BIRC6: variants seen among roughly 807,000 people sequenced by gnomAD.
BIRC6 encodes the protein dual E2 ubiquitin-conjugating enzyme/E3 ubiquitin-protein ligase BIRC6.
BIRC6 carries 98 observed loss-of-function variants against 503.3 expected under a neutral mutation model. That is an observed-to-expected ratio of 0.19 (90% CI 0.17 to 0.23). The LOEUF is 0.23. BIRC6 is among the 10% of genes least tolerant of loss of function. The pLI, the probability that BIRC6 is intolerant of heterozygous loss-of-function variation, is 1.00. For synonymous variants in BIRC6, 2,240 were observed against 2,078.7 expected (o/e 1.08, Z -2.11); for missense variants, 5,360 against 5,806.0 (o/e 0.92, Z 2.50).
chr2:32,403,029 C>T (rs1045574392), intron 8 of BIRC6, among the ~76,000 whole-genome samples: 1 of 152,140 alleles, frequency 6.6e-6, no homozygotes, highest in African/African-American at 2.4e-5. Context: ...TCTCTACTTG[C>T]TTTTAAGAAA....
rs754402760 is a variant in BIRC6 at position 32,414,727 on chromosome 2, A to G, written c.1478-42A>G. 4 of 1,461,768 alleles carry G rather than the reference A, an allele frequency of 2.7e-6. No individual in the cohort carries two copies. The African/African-American group carries it at 4.2e-5, about 16-fold the overall frequency. The allele number at this position is 1,461,768 out of a possible 1,614,324, so 90.5% of individuals were successfully genotyped here. ...TGTGTATTCATAATGTGCTGACTGG[A>G]TGAGTAGAAACATATCTAATGAATA... On this transcript the variant is annotated intron_variant, in intron 9 of 73. Coordinates refer to ENST00000421745, the MANE Select transcript of BIRC6 (RefSeq NM_016252.4).
At chr2:32,543,621 T>G (rs887101062) in intron 62 of BIRC6, 80 bp downstream of exon 62, 142 of 1,349,998 alleles carry the variant, frequency 1.1e-4, no homozygotes, top group Middle Eastern at 2.2e-4. Context: ...CTATTATTCA[T>G]CATTTATTTC....
intron 10 of BIRC6, among the ~76,000 whole-genome samples, chr2:32,425,166 G>A (rs2043348549): frequency 6.6e-6 from 1 of 150,792 alleles, no homozygotes; most frequent in Non-Finnish European, 1.5e-5. Flanking sequence ...TAATAGATAT[G>A]ATTTGCAAAT....
chr2:32,553,480 C>T (rs1246511490), intron 65 of BIRC6, among the ~76,000 whole-genome samples: 2 of 151,854 alleles, frequency 1.3e-5, no homozygotes, highest in Admixed American at 6.6e-5. Flanking sequence ...CTCCGCCTCT[C>T]GGGTTCAAGC....
In BIRC6 at chr2:32,470,265, C is replaced by T. The variant is rs1394783536; in HGVS notation, c.6445C>T (p.Leu2149Phe). 6.3e-7 allele frequency: 1 copy of T among 1,574,844 alleles called. No individual in the cohort carries two copies. Residue 2149 changes from leucine to phenylalanine, a missense_variant, in exon 31 of 74, where the codon CTT becomes TTT. By Grantham distance (22) the Leu-to-Phe change is conservative (BLOSUM62 0). Around this residue, in one of 16 missense-constraint regions of BIRC6, gnomAD observed 2,299 missense variants for 2,267.2 expected, o/e 1.01. Transcript: ENST00000421745. ...TCTCTTGGATAATTTATTGTCACCTCTTCAGCCACAGTTACCCATGCATAG... is the reference window on the plus strand; with the variant it reads ...TCTCTTGGATAATTTATTGTCACCTTTTCAGCCACAGTTACCCATGCATAG... ...LNLLDNLLSP[L>F]QPQLPMHRRT... is the part of the protein sequence containing the mutation.
chr2:32,449,744 C>G (rs377300974), intron 22 of BIRC6, among the ~76,000 whole-genome samples: 99 of 152,246 alleles, frequency 6.5e-4, no homozygotes, highest in African/African-American at 2.3e-3. Context: ...CAACCCCAAC[C>G]TTTCCACCCT....
In BIRC6 at chr2:32,412,033, C is replaced by G. The variant is rs113884615; in HGVS notation, c.1478-2736C>G. ...CTCCTAATCTAAAAGGATCCTTCCA[C>G]CTCAGCCTCCCAAATAGCTGGGATT... is the stretch of plus-strand genomic sequence containing the variant. On this transcript the variant is annotated intron_variant, in intron 9 of 73. Transcript: ENST00000421745. Among the ~76,000 whole-genome samples, 1,251 of 152,160 alleles carry G rather than the reference C, an allele frequency of 8.2e-3. 16 individuals are homozygous for G. Among genetic ancestry groups the G allele is most frequent in the African/African-American group, 0.029 (1,195 of 41,496 alleles).
At position 32,595,043 on chromosome 2, in the gene BIRC6, TG is replaced by T; in HGVS notation, c.13514del (p.Gly4505ValfsTer9). The T allele has an allele frequency of 6.3e-7, 1 of 1,575,984 alleles. No homozygotes were observed. Among genetic ancestry groups the T allele is most frequent in the Non-Finnish European group, 8.6e-7 (1 of 1,164,786 alleles). ...SLRQANQEKK[L>X]GEYSKKAAMK... is the part of the protein sequence containing the mutation. ...AAATATTAAATAACAGAAAAAAAAC[TG>T]GGTGAATACTCCAAGAAGGCGGCTA... On this transcript the variant is annotated frameshift_variant, in exon 68 of 74. Coordinates refer to ENST00000421745, the MANE Select transcript of BIRC6 (RefSeq NM_016252.4). LOFTEE classifies it high-confidence loss of function.
At position 32,607,452 on chromosome 2, in the gene BIRC6, TA is replaced by T; in HGVS notation, c.14071-2del. ...ATAGCTGTTCTTTTCCTTTATTCTTTAGGTGTTGGTGTCTGTCCAGTCCCTT... is the reference window on the plus strand; with the variant it reads ...ATAGCTGTTCTTTTCCTTTATTCTTTGGTGTTGGTGTCTGTCCAGTCCCTT... On this transcript the variant is annotated splice_acceptor_variant, in intron 71 of 73. Coordinates refer to ENST00000421745, the MANE Select transcript of BIRC6 (RefSeq NM_016252.4). LOFTEE classifies it high-confidence loss of function. 1 of 1,507,284 alleles carries T rather than the reference TA, an allele frequency of 6.6e-7. No individual in the cohort carries two copies. The highest frequency in any genetic ancestry group is 8.9e-7 in the Non-Finnish European group (1 of 1,119,044). The allele number at this position is 1,507,284 out of a possible 1,614,324, so 93.4% of individuals were successfully genotyped here.
chr2:32,570,732 C>T (rs1051969723), intron 65 of BIRC6, among the ~76,000 whole-genome samples: 1 of 152,042 alleles, frequency 6.6e-6, no homozygotes, highest in African/African-American at 2.4e-5. Flanking sequence ...CTCCTGACCT[C>T]AGGTTTTCCA....
intron 3 of BIRC6, among the ~76,000 whole-genome samples, chr2:32,383,397 T>C (rs997187317): frequency 1.3e-5 from 2 of 152,198 alleles, no homozygotes; most frequent in Admixed American, 1.3e-4. Flanking sequence ...CAAGAAGATA[T>C]CTAATTTCTT....
intron 23 of BIRC6, among the ~76,000 whole-genome samples, chr2:32,461,047 CTTCTCTTCTCTTCTCTTCTGT>C (rs2047874577): frequency 1.4e-5 from 1 of 70,780 alleles, no homozygotes; most frequent in African/African-American, 4.6e-5. Context: ...CTTCTCTTCT[CTTCTCTTCTCTTCTCTTCTGT>C]TCTCCTCTCC....
chr2:32,467,928 G>A lies in BIRC6; in HGVS notation c.5597G>A (p.Ser1866Asn). 1 of 1,613,270 alleles carries A rather than the reference G, an allele frequency of 6.2e-7. No homozygotes were observed. The highest frequency in any genetic ancestry group is 8.5e-7 in the Non-Finnish European group (1 of 1,179,586). ...MKITVIGRYG[S>N]TNARAKIPLG... is the part of the protein sequence containing the mutation. ...ATCACTGTTATTGGACGTTACGGGA[G>A]TACAAATGCCAGAGCCAAAATCCCA... The change falls in exon 28 of 74, where the codon AGT becomes AAT. Residue 1866 changes from serine to asparagine, a missense_variant. By Grantham distance (46) the Ser-to-Asn change is conservative. Transcript: ENST00000421745.
intron 65 of BIRC6, among the ~76,000 whole-genome samples, chr2:32,560,871 T>A (rs920723662): frequency 3.3e-5 from 5 of 152,030 alleles, no homozygotes; most frequent in African/African-American, 1.2e-4. Context: ...GCCCGACTTT[T>A]TTTTTTTTAT....
chr2:32,413,557 A>T (rs2042117884), intron 9 of BIRC6, among the ~76,000 whole-genome samples: 1 of 151,894 alleles, frequency 6.6e-6, no homozygotes, highest in Non-Finnish European at 1.5e-5. Context: ...GAGCTCAGGT[A>T]ATCTGCCTAC....
At chr2:32,447,434 A>AC (rs1553434384) in intron 21 of BIRC6, among the ~76,000 whole-genome samples, 7 of 118,324 alleles carry the variant, frequency 5.9e-5, no homozygotes, top group East Asian at 2.6e-4. Flanking sequence ...CGGGGGGCTG[A>AC]CCCCCCACCT....
chr2:32,572,596 A>G (rs1176923445), intron 65 of BIRC6, among the ~76,000 whole-genome samples: 2 of 152,206 alleles, frequency 1.3e-5, no homozygotes, highest in Non-Finnish European at 2.9e-5. Flanking sequence ...TTTTATGCCT[A>G]TCAGTTAGTA....
intron 19 of BIRC6, among the ~76,000 whole-genome samples, chr2:32,443,174 G>T (rs2045603621): frequency 6.6e-6 from 1 of 152,138 alleles, no homozygotes; most frequent in Non-Finnish European, 1.5e-5. Flanking sequence ...TGAAACTTTA[G>T]AAATTGAAAC....
chr2:32,385,961 C>T (rs2038394363), intron 3 of BIRC6, among the ~76,000 whole-genome samples: 1 of 152,146 alleles, frequency 6.6e-6, no homozygotes, highest in African/African-American at 2.4e-5. Flanking sequence ...GAAACTTAAC[C>T]ATGGTTGCAG....
Sources: gnomAD v4.1 joint callset for allele counts (sites outside exome capture counted in the v4.1 genomes callset) on GRCh38, gnomAD v4.1.1 for gene constraint, gnomAD v4.1.1 regional missense constraint, MANE v1.5 for transcripts, NCBI Gene and HGNC (gene_info 2026-07-23, HGNC 2026-07-21) for gene names.